The following MBNL2 variants were observed in gnomAD, a reference collection of about 807,000 sequenced individuals.
MBNL2 encodes the protein muscleblind-like protein 2.
MBNL2 carries 17 observed loss-of-function variants against 41.9 expected under a neutral mutation model. The observed-to-expected ratio is 0.41, with a 90% confidence interval of 0.28 to 0.61. The LOEUF (loss-of-function observed/expected upper bound fraction) is 0.61, where lower values mean the gene tolerates loss of function less well. Ranked by LOEUF, MBNL2 falls within the 20% of genes least tolerant of loss-of-function variation. The pLI is 0.35. For missense variants in MBNL2, 336 were observed against 505.6 expected (o/e 0.66, Z 3.22); for synonymous variants, 195 against 182.9 (o/e 1.07, Z -0.53).
intron 7 of MBNL2, among the ~76,000 whole-genome samples, chr13:97,361,922 A>G (rs2063438772): frequency 1.3e-5 from 2 of 151,886 alleles, no homozygotes; most frequent in East Asian, 3.9e-4. Flanking sequence ...AGCGTCTGCC[A>G]TCACACCTGG....
At chr13:97,146,086 G>A in the MBNL2 span, among the ~76,000 whole-genome samples, 5 of 151,986 alleles carry the variant, frequency 3.3e-5, no homozygotes, top group South Asian at 8.3e-4. Context: ...CACCTCCCTG[G>A]ATCAAGCAAT....
the MBNL2 span, among the ~76,000 whole-genome samples, chr13:97,145,610 T>C: frequency 6.6e-6 from 1 of 152,228 alleles, no homozygotes; most frequent in Non-Finnish European, 1.5e-5. Flanking sequence ...ACGTATTCTG[T>C]TACTTATTCC....
At chr13:97,213,737 C>A in the MBNL2 span, among the ~76,000 whole-genome samples, 2 of 152,114 alleles carry the variant, frequency 1.3e-5, no homozygotes, top group Non-Finnish European at 2.9e-5. Flanking sequence ...GATGAGTGAA[C>A]AAGTGGATCT....
chr13:97,263,222 T>C (rs2048996017), intron 1 of MBNL2, among the ~76,000 whole-genome samples: 1 of 152,188 alleles, frequency 6.6e-6, no homozygotes, highest in African/African-American at 2.4e-5. Flanking sequence ...TTTTTGACCT[T>C]TCTGCTCTAC....
upstream of MBNL2, among the ~76,000 whole-genome samples, chr13:97,216,860 A>G (rs1460210850): frequency 6.6e-6 from 1 of 151,490 alleles, no homozygotes. Flanking sequence ...GTGTGTGTGC[A>G]TGCATGGATA....
rs572027955 is a variant in MBNL2, at chr13:97,384,156, C to T, written c.1049-7166C>T. Among the ~76,000 whole-genome samples, 47 of 152,238 alleles carry T rather than the reference C, an allele frequency of 3.1e-4. No homozygotes were observed. In the South Asian group the frequency reaches 9.3e-3, roughly 30 times the overall value. ...CCTCAAGTGATCTGTCCACCTAGGC[C>T]TCCCAAAGTGCTGGGATTACAAGCA... On this transcript the variant is annotated intron_variant, in intron 8 of 8. Transcript: ENST00000679496.
chr13:97,232,429 TA>T (rs1369071285), intron 1 of MBNL2, among the ~76,000 whole-genome samples: 1 of 152,214 alleles, frequency 6.6e-6, no homozygotes, highest in Non-Finnish European at 1.5e-5. Flanking sequence ...ATTGAGCACT[TA>T]CTATATGGAA....
intron 2 of MBNL2, among the ~76,000 whole-genome samples, chr13:97,292,253 C>G (rs1286352275): frequency 6.6e-6 from 1 of 151,734 alleles, no homozygotes; most frequent in African/African-American, 2.4e-5. Flanking sequence ...CGACCCTTTC[C>G]TCTTACGAAG....
the MBNL2 span, among the ~76,000 whole-genome samples, chr13:97,192,202 A>G: frequency 2.6e-5 from 4 of 152,322 alleles, no homozygotes; most frequent in African/African-American, 9.6e-5. Flanking sequence ...ATGGATTCAG[A>G]AAAAAAGAGA....
At chr13:97,264,414 G>A (rs1461779069) in intron 1 of MBNL2, among the ~76,000 whole-genome samples, 1 of 152,152 alleles carries the variant, frequency 6.6e-6, no homozygotes, top group East Asian at 1.9e-4. Context: ...ACCTGTGTCA[G>A]TCTACATTTG....
intron 1 of MBNL2, among the ~76,000 whole-genome samples, chr13:97,254,087 G>A (rs978191007): frequency 1.3e-5 from 2 of 151,964 alleles, no homozygotes; most frequent in Admixed American, 1.3e-4. Context: ...ACAGGGTTTC[G>A]CCATGGTGGC....
At chr13:97,199,525 T>G in the MBNL2 span, among the ~76,000 whole-genome samples, 1 of 152,192 alleles carries the variant, frequency 6.6e-6, no homozygotes, top group Non-Finnish European at 1.5e-5. Context: ...AATAAACATG[T>G]GCATAGACAA....
chr13:97,230,413 A>T (rs2152779585), intron 1 of MBNL2, among the ~76,000 whole-genome samples: 1 of 152,344 alleles, frequency 6.6e-6, no homozygotes, highest in South Asian at 2.1e-4. Context: ...ATGATGAAAC[A>T]TCTAAGTGGA....
At chr13:97,285,720 A>G (rs1368074604) in intron 2 of MBNL2, among the ~76,000 whole-genome samples, 1 of 151,430 alleles carries the variant, frequency 6.6e-6, no homozygotes, top group East Asian at 1.9e-4. Context: ...AACAGCATAC[A>G]TTGTTTCTTC....
intron 1 of MBNL2, among the ~76,000 whole-genome samples, chr13:97,223,161 G>GT (rs1373630888): frequency 7.2e-5 from 11 of 152,184 alleles, no homozygotes; most frequent in Admixed American, 7.2e-4. Flanking sequence ...CAGCTTAAAA[G>GT]TGGAACCATT....
the MBNL2 span, among the ~76,000 whole-genome samples, chr13:97,153,623 A>C: frequency 6.6e-6 from 1 of 152,200 alleles, no homozygotes; most frequent in Non-Finnish European, 1.5e-5. Context: ...AGGAAAAAAC[A>C]GAAAACCTTT....
the MBNL2 span, among the ~76,000 whole-genome samples, chr13:97,156,717 G>A: frequency 2.9e-3 from 439 of 148,838 alleles, 2 homozygotes; most frequent in African/African-American, 9.2e-3. Flanking sequence ...GATATGCGGC[G>A]TTATTTCTGA....
chr13:97,263,898 G>A (rs1378538655), intron 1 of MBNL2, among the ~76,000 whole-genome samples: 1 of 151,478 alleles, frequency 6.6e-6, no homozygotes, highest in East Asian at 2.0e-4. Context: ...GATTACAGGT[G>A]TGAGGCACTG....
chr13:97,287,944 T>G (rs138273943), intron 2 of MBNL2, among the ~76,000 whole-genome samples: 2,798 of 144,114 alleles, frequency 0.019, 131 homozygotes, highest in African/African-American at 0.062. Context: ...GTTTTGTTTT[T>G]TTTTTTTTTA....
Sources: gnomAD v4.1 joint callset for allele counts (sites outside exome capture counted in the v4.1 genomes callset) on GRCh38, gnomAD v4.1.1 for gene constraint, MANE v1.5 for transcripts, NCBI Gene and HGNC (gene_info 2026-07-23, HGNC 2026-07-21) for gene names.